The following TNFRSF8 variants were observed in gnomAD, a reference collection of about 807,000 sequenced individuals.
TNFRSF8 encodes tumor necrosis factor receptor superfamily member 8.
In TNFRSF8, 26 loss-of-function variants were observed where a neutral mutation model predicts 70.8. The ratio of observed to expected loss-of-function variants is 0.37; its 90% CI spans 0.27 to 0.51. The LOEUF (loss-of-function observed/expected upper bound fraction) is 0.51, where lower values mean the gene tolerates loss of function less well. Among genes scored for constraint, TNFRSF8 ranks in the 20% least tolerant of loss-of-function variants. TNFRSF8 has a pLI of 0.94. For missense variants in TNFRSF8, 720 were observed against 807.9 expected (o/e 0.89, Z 1.32); for synonymous variants, 356 against 339.2 (o/e 1.05, Z -0.54).
intron 2 of TNFRSF8, among the ~76,000 whole-genome samples, chr1:12,086,477 C>T (rs1275843135): frequency 7.9e-6 from 1 of 126,092 alleles, no homozygotes; most frequent in Non-Finnish European, 1.7e-5. Context: ...CTGCCCCCCT[C>T]ACCCACCCAC....
chr1:12,096,494 G>T (rs919819958), intron 2 of TNFRSF8, among the ~76,000 whole-genome samples: 1 of 151,560 alleles, frequency 6.6e-6, no homozygotes, highest in South Asian at 2.1e-4. Context: ...ATGAGTTTGC[G>T]TTGGGCCTCA....
At position 12,110,273 on chromosome 1, in the gene TNFRSF8, G is replaced by T; in HGVS notation, c.676+69G>T. 6.8e-7 allele frequency: 1 copy of T among 1,462,486 alleles called. No individual in the cohort carries two copies. The highest frequency in any genetic ancestry group is 9.1e-7 in the Non-Finnish European group (1 of 1,094,832). 90.6% of individuals were successfully genotyped at this position (1,462,486 alleles called of 1,614,324 possible). ...GATTGGTGGATGGCCCATGAGTGGG[G>T]GTGTTTGGAGCAGGCGGGCAGTGAT... is the stretch of plus-strand genomic sequence containing the variant. On this transcript the variant is annotated intron_variant, in intron 6 of 14. Transcript: ENST00000263932. The surrounding 1 kb of genome is among the most constrained non-coding windows in gnomAD (Gnocchi z 4.0).
intron 6 of TNFRSF8, 37 bp from the exon 7 acceptor site, chr1:12,111,861 G>A (rs764517274): frequency 1.3e-6 from 2 of 1,591,968 alleles, no homozygotes; most frequent in South Asian, 2.2e-5. Flanking sequence ...CTTTGCCAAG[G>A]CGGCCTGGCC....
At chr1:12,115,867 G>A in intron 8 of TNFRSF8, 138 bp downstream of exon 8, 2 of 901,818 alleles carry the variant, frequency 2.2e-6, no homozygotes, top group Non-Finnish European at 3.3e-6. Flanking sequence ...TTTGGGTTCT[G>A]GTTATCCTTT....
At chr1:12,075,252 T>A (rs1457536117) in intron 1 of TNFRSF8, among the ~76,000 whole-genome samples, 14 of 54,262 alleles carry the variant, frequency 2.6e-4, no homozygotes, top group African/African-American at 1.0e-3. Flanking sequence ...AAAAAAAAAA[T>A]TTTTTTTTTT....
intron 12 of TNFRSF8, among the ~76,000 whole-genome samples, chr1:12,130,946 G>A (rs1368074016): frequency 6.6e-6 from 1 of 152,160 alleles, no homozygotes; most frequent in Admixed American, 6.5e-5. Flanking sequence ...GTTGTAACAC[G>A]GCTCTTGTCA....
At chr1:12,121,774 A>G (rs146189733) in intron 8 of TNFRSF8, among the ~76,000 whole-genome samples, 2,566 of 152,340 alleles carry the variant, frequency 0.017, 130 homozygotes, top group Admixed American at 0.12. Context: ...AGAGGCACGC[A>G]CAAGAATACT....
At chr1:12,128,833 CTTTTTTTT>C (rs60878706) in intron 12 of TNFRSF8, among the ~76,000 whole-genome samples, 5 of 111,776 alleles carry the variant, frequency 4.5e-5, no homozygotes, top group African/African-American at 1.8e-4. Context: ...GTCTAAAATT[CTTTTTTTT>C]TTTTTTTTTT....
intron 3 of TNFRSF8, among the ~76,000 whole-genome samples, chr1:12,100,161 A>G (rs1421853523): frequency 6.6e-6 from 1 of 151,718 alleles, no homozygotes; most frequent in Non-Finnish European, 1.5e-5. Context: ...AGAGTGAGAC[A>G]CCATCTAAAA....
rs954758479 is a variant in TNFRSF8, at chr1:12,067,863, G to C, written c.63+4202G>C. The stretch of plus-strand genomic sequence containing the variant: ...GTTTTGCAAAAGGGACATTTCCAGG[G>C]CTGCTCAAATCCTGCAGGGAGGCAA... On this transcript the variant is annotated intron_variant, in intron 1 of 14. Transcript: ENST00000263932. 7.7e-5 allele frequency among the ~76,000 whole-genome samples: 11 copies of C among 143,282 alleles called. No individual in the cohort carries two copies. In the South Asian group the frequency reaches 1.4e-3, roughly 18 times the overall value. The allele number at this position is 143,282 out of a possible 152,430, so 94.0% of individuals were successfully genotyped here.
intron 8 of TNFRSF8, among the ~76,000 whole-genome samples, chr1:12,117,690 G>A (rs531969394): frequency 1.3e-5 from 2 of 152,270 alleles, no homozygotes; most frequent in East Asian, 1.9e-4. Flanking sequence ...GAGTCCTTAG[G>A]ATTTTATTTT....
Position 12,142,404 on chromosome 1 carries a change from C to T in TNFRSF8, c.1661C>T (p.Ala554Val), listed in dbSNP as rs138958040. The part of the protein sequence containing the change: ...AEPELEEELE[A>V]DHTPHYPEQE... Reference sequence around the variant, plus strand: ...CCCGAGTTGGAGGAGGAGCTGGAGGCGGACCATACCCCCCACTACCCCGAG... The same window carrying T: ...CCCGAGTTGGAGGAGGAGCTGGAGGTGGACCATACCCCCCACTACCCCGAG... Residue 554 changes from alanine to valine, a missense_variant, in exon 15 of 15, where the codon GCG becomes GTG. Ala to Val is a moderately conservative substitution (Grantham distance 64, BLOSUM62 0). Coordinates refer to ENST00000263932, the MANE Select transcript of TNFRSF8 (RefSeq NM_001243.5). This position sits in a 1 kb window ranked among gnomAD's most constrained non-coding sequence, Gnocchi z 5.0. 258 of 1,612,548 alleles carry T rather than the reference C, an allele frequency of 1.6e-4. No individual in the cohort carries two copies. In the African/African-American group the frequency reaches 2.3e-3, roughly 14 times the overall value.
At chr1:12,096,440 A>G (rs1641332289) in intron 2 of TNFRSF8, among the ~76,000 whole-genome samples, 1 of 151,976 alleles carries the variant, frequency 6.6e-6, no homozygotes, top group Non-Finnish European at 1.5e-5. Flanking sequence ...AAAAAAAAAA[A>G]AAAATCACAC....
intron 2 of TNFRSF8, among the ~76,000 whole-genome samples, chr1:12,096,261 G>C (rs11569831): frequency 5.3e-5 from 8 of 152,082 alleles, no homozygotes; most frequent in African/African-American, 1.9e-4. Flanking sequence ...AGCGATTGCT[G>C]GGTGACTTGT....
chr1:12,064,457 C>T (rs984679012), intron 1 of TNFRSF8, among the ~76,000 whole-genome samples: 1 of 152,104 alleles, frequency 6.6e-6, no homozygotes, highest in Non-Finnish European at 1.5e-5. Context: ...CCTCAGCTGA[C>T]CCAGGACCCC....
At position 12,110,128 on chromosome 1, in the gene TNFRSF8, C is replaced by T. The variant is rs145520020; in HGVS notation, c.600C>T (p.Leu200=). ...TGCCTGTAAGAGGGGGCACCCGCCT[C>T]GCCCAGGAAGCTGCTTCTAAACTGA... ...STMPVRGGTR[L]AQEAASKLTR... Residue 200 remains leucine (L), a synonymous_variant, in exon 6 of 15, where the codon CTC becomes CTT. Coordinates refer to ENST00000263932, the MANE Select transcript of TNFRSF8 (RefSeq NM_001243.5). The surrounding 1 kb of genome is among the most constrained non-coding windows in gnomAD (Gnocchi z 4.0). 109 of 1,613,662 alleles carry T rather than the reference C, an allele frequency of 6.8e-5. No homozygotes were observed. Among genetic ancestry groups the T allele is most frequent in the South Asian group, 1.8e-4 (16 of 90,992 alleles).
In TNFRSF8 at chr1:12,084,454, G is replaced by A. The variant is rs777854219; in HGVS notation, c.64-10G>A. ...TCCACCTGGCCTCACCAGCTTTTCT[G>A]ACCTGCCAGGATCGACCCTTCGAGG... is the stretch of plus-strand genomic sequence containing the variant. On this transcript the variant is annotated splice_polypyrimidine_tract_variant and intron_variant, in intron 1 of 14. Coordinates refer to ENST00000263932, the MANE Select transcript of TNFRSF8 (RefSeq NM_001243.5). 6.2e-7 allele frequency: 1 copy of A among 1,613,930 alleles called. No individual in the cohort carries two copies. The highest frequency in any genetic ancestry group is 8.5e-7 in the Non-Finnish European group (1 of 1,179,894).
intron 7 of TNFRSF8, 124 bp from the exon 8 acceptor site, chr1:12,115,453 C>G (rs907468680): frequency 9.4e-7 from 1 of 1,063,318 alleles, no homozygotes; most frequent in Admixed American, 1.7e-5. Flanking sequence ...CATAGTCAGA[C>G]GAGCATTTAT....
rs1205982424 is a variant in TNFRSF8 at position 12,097,161 on chromosome 1, C to T, written c.212C>T (p.Pro71Leu). The T allele has an allele frequency of 6.2e-7, 1 of 1,614,132 alleles. No homozygotes were observed. The change falls in exon 3 of 15, where the codon CCT (proline) becomes CTT (leucine). Residue 71 changes from proline to leucine, a missense_variant. Pro to Leu is a moderately conservative substitution (Grantham distance 98). Coordinates refer to ENST00000263932, the MANE Select transcript of TNFRSF8 (RefSeq NM_001243.5). ...RPTDCRKQCE[P>L]DYYLDEADRC... ...ACTGACTGCAGGAAGCAGTGTGAGC[C>T]TGACTACTACCTGGATGAGGCCGAC... is the stretch of plus-strand genomic sequence containing the variant.
Sources: gnomAD v4.1 joint callset for allele counts (sites outside exome capture counted in the v4.1 genomes callset) on GRCh38, gnomAD v4.1.1 for gene constraint, Gnocchi (gnomAD v3.1) non-coding constraint, MANE v1.5 for transcripts, NCBI Gene and HGNC (gene_info 2026-07-23, HGNC 2026-07-21) for gene names.